Variants in MCAT observed in about 807,000 individuals in gnomAD.
MCAT encodes the protein malonyl-CoA-acyl carrier protein transacylase.
MCAT carries 22 observed loss-of-function variants against 22.9 expected under a neutral mutation model. The observed-to-expected ratio is 0.96, with a 90% CI of 0.69 to 1.37. MCAT has a LOEUF of 1.37. Ranked by LOEUF, MCAT falls within the 40% of genes most tolerant of loss-of-function variation. The pLI is 0.00. For missense variants in MCAT, 534 were observed against 533.6 expected, an observed-to-expected ratio of 1.00 and a Z score of -0.01; for synonymous variants, 240 against 233.9, an observed-to-expected ratio of 1.03 and a Z score of -0.24.
rs369904860 is a variant in MCAT at position 43,133,154 on chromosome 22, C to T, written c.1062G>A (p.Leu354=). ...QTFEVGPGRQ[L]GAILKSCNMQ... ...TGTTACAGCTCTTCAGGATGGCTCC[C>T]AGCTGCCTGCCAGGGCCTACTTCGA... Residue 354 remains leucine (L), a synonymous_variant, in exon 4 of 4, where the codon CTG becomes CTA. Transcript: ENST00000290429. 5.8e-5 allele frequency: 94 copies of T among 1,614,134 alleles called. No homozygotes were observed. The highest frequency in any genetic ancestry group is 7.9e-5 in the Non-Finnish European group (93 of 1,180,058).
At chr22:43,133,511 C>A (rs2066910) in intron 3 of MCAT, 25 bp from the exon 4 acceptor site, 1 of 1,565,026 alleles carries the variant, frequency 6.4e-7, no homozygotes, top group South Asian at 1.2e-5. Flanking sequence ...AGGTTTCAGC[C>A]GAGCAATGTC....
Position 43,132,949 on chromosome 22 carries a change from G to A in MCAT, c.*94C>T. On this transcript the variant is annotated 3_prime_UTR_variant, in exon 4 of 4. Coordinates refer to ENST00000290429, the MANE Select transcript of MCAT (RefSeq NM_173467.5). ...AAACAAATCCCTTTCACTCCTCAGA[G>A]GAGGAGCCATTAGGAAGGTAGGGGG... 3 of 1,170,600 alleles carry A rather than the reference G, an allele frequency of 2.6e-6. No homozygotes were observed. The highest frequency in any genetic ancestry group is 3.7e-6 in the Non-Finnish European group (3 of 815,912). The allele number at this position is 1,170,600 out of a possible 1,614,324, so 72.5% of individuals were successfully genotyped here.
rs1376767599 is a variant in MCAT, at chr22:43,132,516, G to C, written c.*527C>G. 6.0e-6 allele frequency: 1 copy of C among 165,998 alleles called. No homozygotes were observed. The highest frequency in any genetic ancestry group is 2.4e-5 in the African/African-American group (1 of 41,732). The allele number at this position is 165,998 out of a possible 1,614,324, so 10.3% of individuals were successfully genotyped here. A position where few individuals can be genotyped will look rare whatever the true frequency, so the allele number is the denominator to read the frequency against. On this transcript the variant is annotated 3_prime_UTR_variant, in exon 4 of 4. Transcript: ENST00000290429. The stretch of plus-strand genomic sequence containing the variant: ...CTCTTGGGTATGTCCATAAATGTGG[G>C]CCTCTGTCTCCCAGCTGTCAAGTGA...
chr22:43,137,896 G>T (rs1345209939), intron 2 of MCAT, among the ~76,000 whole-genome samples: 1 of 152,334 alleles, frequency 6.6e-6, no homozygotes, highest in Middle Eastern at 3.4e-3. Flanking sequence ...TGCCTGGGCT[G>T]TTGTGAAAGC....
At chr22:43,137,399 C>T (rs1459255757) in intron 2 of MCAT, 101 bp from the exon 3 acceptor site, 1 of 926,680 alleles carries the variant, frequency 1.1e-6, no homozygotes, top group Non-Finnish European at 1.6e-6. Context: ...GCACTAGAGA[C>T]AGGGGCACTG....
At chr22:43,134,290 C>A (rs903775504) in intron 3 of MCAT, among the ~76,000 whole-genome samples, 3 of 152,138 alleles carry the variant, frequency 2.0e-5, no homozygotes, top group African/African-American at 7.2e-5. Flanking sequence ...GAAGGGGCCT[C>A]GGGCGAGCCA....
chr22:43,134,833 C>T (rs907468640), intron 3 of MCAT, among the ~76,000 whole-genome samples: 1 of 152,264 alleles, frequency 6.6e-6, no homozygotes, highest in South Asian at 2.1e-4. Context: ...AACCAGGAGC[C>T]TCTTTGGTCT....
intron 2 of MCAT, 127 bp downstream of exon 2, chr22:43,141,035 A>G (rs1369301676): frequency 1.4e-6 from 1 of 713,826 alleles, no homozygotes; most frequent in East Asian, 2.5e-5. Context: ...TCATGTGCCA[A>G]TGTCACCCCT....
chr22:43,138,943 T>A (rs1930694822), intron 2 of MCAT, among the ~76,000 whole-genome samples: 1 of 152,166 alleles, frequency 6.6e-6, no homozygotes, highest in Non-Finnish European at 1.5e-5. Context: ...TACTGGACTT[T>A]TAGCTCCCTT....
At chr22:43,140,443 A>AG (rs1414096216) in intron 2 of MCAT, among the ~76,000 whole-genome samples, 4 of 152,182 alleles carry the variant, frequency 2.6e-5, no homozygotes, top group African/African-American at 9.7e-5. Flanking sequence ...TCCTGGGTTC[A>AG]GGTAATCCTC....
chr22:43,137,191 C>G lies in MCAT; in HGVS notation c.619G>C (p.Ala207Pro), dbSNP rs764245496. The change falls in exon 3 of 4, where the codon GCC becomes CCC. Residue 207 changes from alanine to proline, a missense_variant. Coordinates refer to ENST00000290429, the MANE Select transcript of MCAT (RefSeq NM_173467.5). ...CAGTGTTCCCGGGCTTCCAAACAGG[C>G]GAAGTTGAACTTGGACTGAGGCTGG... Reference protein sequence around the residue: ...LGQPQSKFNFACLEAREHCKS... With the variant: ...LGQPQSKFNFPCLEAREHCKS... 4 of 1,614,180 alleles carry G rather than the reference C, an allele frequency of 2.5e-6. No homozygotes were observed. In the Admixed American group the frequency reaches 5.0e-5, roughly 20 times the overall value.
In MCAT at chr22:43,143,072, C is replaced by A. The variant is rs1176099450; in HGVS notation, c.277G>T (p.Ala93Ser). The part of the protein sequence containing the change: ...NYPRVRELYA[A>S]ARRVLGYDLL... ...TCGTAGCCCAGCACGCGGCGGGCGG[C>A]GGCGTAGAGTTCGCGGACGCGCGGG... Residue 93 changes from alanine to serine, a missense_variant, in exon 1 of 4, where the codon GCC (alanine) becomes TCC (serine). Transcript: ENST00000290429. 8.1e-6 allele frequency: 13 copies of A among 1,608,470 alleles called. No individual in the cohort carries two copies. The highest frequency in any genetic ancestry group is 1.1e-5 in the Non-Finnish European group (13 of 1,179,126).
intron 1 of MCAT, among the ~76,000 whole-genome samples, chr22:43,142,555 G>T (rs1930798385): frequency 6.6e-6 from 1 of 152,036 alleles, no homozygotes; most frequent in Non-Finnish European, 1.5e-5. Context: ...GGGAGGCCGA[G>T]GCGGGCAGAT....
chr22:43,135,354 A>C (rs1930572267), intron 3 of MCAT, among the ~76,000 whole-genome samples: 1 of 152,080 alleles, frequency 6.6e-6, no homozygotes, highest in Admixed American at 6.6e-5. Context: ...AATACAAAAA[A>C]TTAGCTGGGT....
chr22:43,138,001 C>G (rs190688728), intron 2 of MCAT, among the ~76,000 whole-genome samples: 2 of 149,754 alleles, frequency 1.3e-5, no homozygotes, highest in Non-Finnish European at 2.9e-5. Context: ...TGAGGCAGGA[C>G]GGCTTGAGCC....
In MCAT at chr22:43,137,192, G is replaced by A. The variant is rs753939414; in HGVS notation, c.618C>T (p.Phe206=). Residue 206 remains phenylalanine, a synonymous_variant, in exon 3 of 4, where the codon TTC becomes TTT. Coordinates refer to ENST00000290429, the MANE Select transcript of MCAT (RefSeq NM_173467.5). ...AGTGTTCCCGGGCTTCCAAACAGGC[G>A]AAGTTGAACTTGGACTGAGGCTGGC... The part of the protein sequence containing the change: ...VLGQPQSKFN[F]ACLEAREHCK... The A allele has an allele frequency of 5.0e-6, 8 of 1,614,144 alleles. No homozygotes were observed. The East Asian group carries it at 6.7e-5, about 13-fold the overall frequency.
intron 3 of MCAT, among the ~76,000 whole-genome samples, chr22:43,135,290 G>A (rs942007625): frequency 2.6e-5 from 4 of 152,160 alleles, no homozygotes; most frequent in Non-Finnish European, 4.4e-5. Context: ...ATCACCTGAG[G>A]TCAGGGGTTC....
At chr22:43,139,093 C>G (rs1157277333) in intron 2 of MCAT, among the ~76,000 whole-genome samples, 18 of 152,052 alleles carry the variant, frequency 1.2e-4, no homozygotes. Context: ...GGCTGGAAGA[C>G]AGAGGAAAAC....
chr22:43,136,763 A>G (rs1029588844), intron 3 of MCAT, among the ~76,000 whole-genome samples: 1 of 152,234 alleles, frequency 6.6e-6, no homozygotes, highest in African/African-American at 2.4e-5. Flanking sequence ...TAAGGAAGCA[A>G]CCAGATCACA....
Sources: allele counts gnomAD v4.1 joint callset (sites outside exome capture counted in the v4.1 genomes callset), GRCh38; gene constraint gnomAD v4.1.1; transcripts MANE v1.5; gene names NCBI Gene and HGNC (gene_info 2026-07-23, HGNC 2026-07-21).